The following CENPW variants were observed in gnomAD, a reference collection of about 807,000 sequenced individuals.
CENPW encodes centromere protein W, also known as cancer-up-regulated gene 2 protein.
In CENPW, 3 loss-of-function variants were observed where a neutral mutation model predicts 11.1. The observed-to-expected ratio is 0.27, with a 90% CI of 0.12 to 0.70. The LOEUF (loss-of-function observed/expected upper bound fraction) is 0.70, where lower values mean the gene tolerates loss of function less well. Ranked by LOEUF, CENPW falls within the 30% of genes least tolerant of loss-of-function variation. The probability of loss-of-function intolerance (pLI) is 0.77; values close to 1 mark genes in which losing one functional copy is unlikely to be tolerated. For synonymous variants in CENPW, 38 were observed against 42.0 expected, an observed-to-expected ratio of 0.91 and a Z score of 0.37; for missense variants, 100 against 105.6, an observed-to-expected ratio of 0.95 and a Z score of 0.23.
chr6:126,353,451 T>C (rs1780513760), downstream of CENPW, among the ~76,000 whole-genome samples: 1 of 152,092 alleles, frequency 6.6e-6, no homozygotes, highest in Non-Finnish European at 1.5e-5. Context: ...GAAGTTAGGC[T>C]TATAGAGGGT....
the CENPW span, among the ~76,000 whole-genome samples, chr6:126,376,318 T>G: frequency 6.6e-6 from 1 of 152,174 alleles, no homozygotes; most frequent in Non-Finnish European, 1.5e-5. Context: ...GGTTATTGCT[T>G]GGGACCAAAT....
At chr6:126,355,642 A>C in the CENPW span, among the ~76,000 whole-genome samples, 1 of 152,176 alleles carries the variant, frequency 6.6e-6, no homozygotes, top group Admixed American at 6.5e-5. Context: ...TTTCTTTAAA[A>C]TATTAAGTTA....
At chr6:126,411,708 C>CTGGAGGTT in the CENPW span, among the ~76,000 whole-genome samples, 6 of 152,064 alleles carry the variant, frequency 3.9e-5, no homozygotes. Flanking sequence ...AAGGAATGCT[C>CTGGAGGTT]TGGAGGTTTG....
rs1426406059 is a variant in CENPW at position 126,348,651 on chromosome 6, T to C, written c.*159T>C. 1 of 533,116 alleles carries C rather than the reference T, an allele frequency of 1.9e-6. No homozygotes were observed. Among genetic ancestry groups the C allele is most frequent in the African/African-American group, 2.0e-5 (1 of 50,426 alleles). The allele number at this position is 533,116 out of a possible 1,614,324, so 33.0% of individuals were successfully genotyped here. A position where few individuals can be genotyped will look rare whatever the true frequency, so the allele number is the denominator to read the frequency against. On this transcript the variant is annotated 3_prime_UTR_variant, in exon 3 of 3. Coordinates refer to ENST00000368328, the MANE Select transcript of CENPW (RefSeq NM_001012507.4). ...TTTTTCTGGCATGAAATATCTCAAG[T>C]AAATGCATAGGACTATTTAACCCTT...
downstream of CENPW, among the ~76,000 whole-genome samples, chr6:126,352,748 T>C (rs1306988797): frequency 1.3e-5 from 2 of 152,114 alleles, no homozygotes; most frequent in Non-Finnish European, 2.9e-5. Flanking sequence ...GTAATTGGAA[T>C]TTGCAGTCCA....
chr6:126,346,887 G>C (rs1312810662), intron 2 of CENPW, among the ~76,000 whole-genome samples: 1 of 152,124 alleles, frequency 6.6e-6, no homozygotes, highest in Non-Finnish European at 1.5e-5. Context: ...GGCAGAGGTT[G>C]CAGTGTGCCA....
At chr6:126,351,048 T>C (rs568561250), downstream of CENPW, among the ~76,000 whole-genome samples, 2 of 151,820 alleles carry the variant, frequency 1.3e-5, no homozygotes, top group African/African-American at 4.8e-5. Flanking sequence ...TTTTTTTTTT[T>C]AATGATGTTT....
the CENPW span, among the ~76,000 whole-genome samples, chr6:126,442,259 A>C: frequency 6.6e-6 from 1 of 151,432 alleles, no homozygotes; most frequent in Admixed American, 6.6e-5. Flanking sequence ...TTCTTTTGAG[A>C]GTTGTCTATT....
At chr6:126,420,901 T>G in the CENPW span, among the ~76,000 whole-genome samples, 1 of 152,122 alleles carries the variant, frequency 6.6e-6, no homozygotes, top group African/African-American at 2.4e-5. Flanking sequence ...TTATTTTTTA[T>G]TTTGGAAAAT....
At chr6:126,376,058 G>A in the CENPW span, among the ~76,000 whole-genome samples, 1 of 152,190 alleles carries the variant, frequency 6.6e-6, no homozygotes. Context: ...TGACTTGCAC[G>A]TCCTGAAGAT....
At chr6:126,468,442 AAAG>A in the CENPW span, among the ~76,000 whole-genome samples, 1 of 150,542 alleles carries the variant, frequency 6.6e-6, no homozygotes, top group African/African-American at 2.4e-5. Context: ...AAAAAAAAAA[AAAG>A]GAGAAAGAAA....
the CENPW span, among the ~76,000 whole-genome samples, chr6:126,400,558 T>C: frequency 6.6e-6 from 1 of 152,064 alleles, no homozygotes; most frequent in Non-Finnish European, 1.5e-5. Flanking sequence ...CTTAGCTACC[T>C]GAATCTGTAT....
the CENPW span, among the ~76,000 whole-genome samples, chr6:126,483,092 T>A: frequency 2.6e-5 from 4 of 151,954 alleles, no homozygotes; most frequent in African/African-American, 7.2e-5. Flanking sequence ...TTAGATGTTA[T>A]TATAAATGAT....
chr6:126,413,230 C>G, the CENPW span, among the ~76,000 whole-genome samples: 1 of 151,984 alleles, frequency 6.6e-6, no homozygotes, highest in Admixed American at 6.6e-5. Flanking sequence ...CCAGGAAACT[C>G]AAAAATCTCA....
At chr6:126,349,794 A>G (rs1780470309), downstream of CENPW, among the ~76,000 whole-genome samples, 1 of 152,132 alleles carries the variant, frequency 6.6e-6, no homozygotes, top group Admixed American at 6.5e-5. Flanking sequence ...ATATGGACAT[A>G]AATTTTAATT....
At chr6:126,437,535 T>C in the CENPW span, among the ~76,000 whole-genome samples, 1 of 152,044 alleles carries the variant, frequency 6.6e-6, no homozygotes, top group African/African-American at 2.4e-5. Flanking sequence ...CTTGAAATTA[T>C]AGTGTCTTCT....
At chr6:126,453,763 G>T in the CENPW span, among the ~76,000 whole-genome samples, 1 of 151,088 alleles carries the variant, frequency 6.6e-6, no homozygotes, top group East Asian at 1.9e-4. Flanking sequence ...CATATTGGAA[G>T]GCTGGATAAA....
chr6:126,449,462 A>G, the CENPW span, among the ~76,000 whole-genome samples: 1 of 151,046 alleles, frequency 6.6e-6, no homozygotes, highest in Non-Finnish European at 1.5e-5. Flanking sequence ...AATACTGGAA[A>G]TTGGTTCATT....
At chr6:126,385,573 CCAAATCT>C in the CENPW span, among the ~76,000 whole-genome samples, 1 of 152,062 alleles carries the variant, frequency 6.6e-6, no homozygotes, top group Non-Finnish European at 1.5e-5. Context: ...GTGTCCCCAC[CCAAATCT>C]CATCTTTAAT....
Sources: allele counts gnomAD v4.1 joint callset (sites outside exome capture counted in the v4.1 genomes callset), GRCh38; gene constraint gnomAD v4.1.1; transcripts MANE v1.5; gene names NCBI Gene and HGNC (gene_info 2026-07-23, HGNC 2026-07-21).